Variants in PCSK7 observed in about 807,000 individuals in gnomAD.
PCSK7 encodes the protein lymphoma proprotein convertase.
A neutral mutation model predicts 73.3 loss-of-function variants in PCSK7; 38 were observed. The observed-to-expected ratio is 0.52, with a 90% confidence interval of 0.40 to 0.68. The LOEUF is 0.68. Among genes scored for constraint, PCSK7 ranks in the 30% least tolerant of loss-of-function variants. The pLI is 0.00. For synonymous variants in PCSK7, 296 were observed against 383.8 expected, an observed-to-expected ratio of 0.77 and a Z score of 2.68; for missense variants, 692 against 991.5, an observed-to-expected ratio of 0.70 and a Z score of 4.06.
Position 117,226,938 on chromosome 11 carries a change from GAACTATAAATAGA to G in PCSK7, c.769+206_769+218del, listed in dbSNP as rs2032454223. On this transcript the variant is annotated intron_variant, in intron 5 of 16. Coordinates refer to ENST00000320934, the MANE Select transcript of PCSK7 (RefSeq NM_004716.4). ...ACAAGAAGGCACTTTGTAATTTATG[GAACTATAAATAGA>G]AAAACATGTTTGAAACACCACTGCA... The G allele has an allele frequency of 6.4e-6, 3 of 472,376 alleles. No individual in the cohort carries two copies. The Admixed American group carries it at 1.3e-4, about 20-fold the overall frequency. 29.3% of individuals were successfully genotyped at this position (472,376 alleles called of 1,614,324 possible). A position where few individuals can be genotyped will look rare whatever the true frequency, so the allele number is the denominator to read the frequency against.
intron 12 of PCSK7, chr11:117,214,553 CA>C (rs1179036770): frequency 6.6e-6 from 1 of 152,224 alleles, no homozygotes; most frequent in Non-Finnish European, 1.5e-5. Flanking sequence ...GACGTTGCAA[CA>C]AAGACCTCAT....
In PCSK7 at chr11:117,207,158, C is replaced by CCCCTTGCTG; in HGVS notation, c.1788_1789insCAGCAAGGG (p.Gly596_Asp597insGlnGlnGly). 1 of 1,241,440 alleles carries CCCCTTGCTG rather than the reference C, an allele frequency of 8.1e-7. No homozygotes were observed. The highest frequency in any genetic ancestry group is 1.2e-6 in the Non-Finnish European group (1 of 858,786). The allele number at this position is 1,241,440 out of a possible 1,614,324, so 76.9% of individuals were successfully genotyped here. The stretch of plus-strand genomic sequence containing the variant: ...AGGATGCCGACCTGGAATGACTCAT[C>CCCCTTGCTG]CCCTAGGGCAGCAAGGGGCAGCTCG... On this transcript the variant is annotated inframe_insertion and splice_region_variant, in exon 15 of 17. Coordinates refer to ENST00000320934, the MANE Select transcript of PCSK7 (RefSeq NM_004716.4).
chr11:117,214,586 A>G (rs1308916186), intron 12 of PCSK7: 2 of 152,216 alleles, frequency 1.3e-5, no homozygotes, highest in East Asian at 1.9e-4. Flanking sequence ...GAGTGACAAG[A>G]ATGTTAAAAA....
Position 117,219,094 on chromosome 11 carries a change from C to G in PCSK7, c.1394G>C (p.Gly465Ala). 6.2e-7 allele frequency: 1 copy of G among 1,610,696 alleles called. No homozygotes were observed. Among genetic ancestry groups the G allele is most frequent in the Non-Finnish European group, 8.5e-7 (1 of 1,179,902 alleles). The change falls in exon 11 of 17, where the codon GGC becomes GCC. Residue 465 changes from glycine to alanine, a missense_variant. Physicochemically the swap from Gly to Ala is moderately conservative, Grantham distance 60. Transcript: ENST00000320934. ...GFSHSHQHGFGLLNAWRLVNA... is the reference protein window; with the variant it reads ...GFSHSHQHGFALLNAWRLVNA... The stretch of plus-strand genomic sequence containing the variant: ...CACGAGCCTCCAGGCGTTGAGGAGG[C>G]CGAAACCGTGCTGGTGGCTATGGCT...
chr11:117,215,380 G>GTGTGTGTGTGTGTGTGTGTGTGTGTATA (rs1164738557), intron 12 of PCSK7: 3 of 55,898 alleles, frequency 5.4e-5, no homozygotes, highest in African/African-American at 3.6e-4. Flanking sequence ...GTGTGTGTGT[G>GTGTGTGTGTGTGTGTGTGTGTGTGTATA]TATATATATA....
At chr11:117,209,393 C>T (rs527446219) in intron 12 of PCSK7, 42 of 231,368 alleles carry the variant, frequency 1.8e-4, no homozygotes, top group African/African-American at 7.3e-4. Flanking sequence ...ATAAGATGGG[C>T]GTGGTCCCTG....
intron 9 of PCSK7, chr11:117,221,330 G>C (rs1450265320): frequency 6.6e-6 from 1 of 152,274 alleles, no homozygotes; most frequent in East Asian, 1.9e-4. Flanking sequence ...GTTTATGCAA[G>C]GGAGCGGGTT....
intron 12 of PCSK7, 110 bp from the exon 13 acceptor site, chr11:117,209,163 C>T (rs531836888): frequency 1.0e-4 from 73 of 728,652 alleles, no homozygotes; most frequent in African/African-American, 9.3e-4. Context: ...CAAACATCTA[C>T]GGCAACCCTA....
chr11:117,218,257 C>A lies in PCSK7; in HGVS notation c.1534+209G>T. The A allele has an allele frequency of 4.5e-6, 1 of 220,778 alleles. No homozygotes were observed. The highest frequency in any genetic ancestry group is 9.1e-6 in the Non-Finnish European group (1 of 110,418). 13.7% of individuals were successfully genotyped at this position (220,778 alleles called of 1,614,324 possible). On this transcript the variant is annotated intron_variant, in intron 12 of 16. Coordinates refer to ENST00000320934, the MANE Select transcript of PCSK7 (RefSeq NM_004716.4). This position sits in a 1 kb window ranked among gnomAD's most constrained non-coding sequence, Gnocchi z 4.0. ...TGCTGCTCCTTTTCACTACTAGGAA[C>A]CCAGGAGAAAGGTCTTGTTTAAGCA...
chr11:117,228,414 T>C, intron 3 of PCSK7, 64 bp from the exon 4 acceptor site: 2 of 1,481,844 alleles, frequency 1.3e-6, no homozygotes, highest in South Asian at 1.1e-5. Flanking sequence ...GATGAAGTTA[T>C]AGCTAGCAGC....
At chr11:117,231,560 TTCTG>T (rs1024469828) in intron 1 of PCSK7, among the ~76,000 whole-genome samples, 8 of 152,312 alleles carry the variant, frequency 5.3e-5, no homozygotes, top group East Asian at 3.9e-4. Context: ...CAGGAGCTCC[TTCTG>T]TCTACTAGTG....
At chr11:117,226,143 T>TA in intron 5 of PCSK7, 122 bp from the exon 6 acceptor site, 1 of 399,636 alleles carries the variant, frequency 2.5e-6, no homozygotes, top group Non-Finnish European at 4.7e-6. Flanking sequence ...ACATTTTGCT[T>TA]TTTTTTTTTT....
intron 4 of PCSK7, 96 bp from the exon 5 acceptor site, chr11:117,227,418 C>G (rs2032473110): frequency 7.8e-6 from 7 of 902,328 alleles, no homozygotes; most frequent in Admixed American, 3.6e-5. Context: ...GTTTGGGAAT[C>G]GAAGCTAGGG....
intron 12 of PCSK7, chr11:117,212,585 G>C (rs2031779590): frequency 6.6e-6 from 1 of 151,438 alleles, no homozygotes; most frequent in African/African-American, 2.4e-5. Flanking sequence ...GCTAATTTTT[G>C]TATTTTTAGT....
chr11:117,218,465 C>A lies in PCSK7; in HGVS notation c.1534+1G>T. 1.3e-6 allele frequency: 2 copies of A among 1,571,234 alleles called. No individual in the cohort carries two copies. The highest frequency in any genetic ancestry group is 1.7e-6 in the Non-Finnish European group (2 of 1,151,476). On this transcript the variant is annotated splice_donor_variant, in intron 12 of 16. Coordinates refer to ENST00000320934, the MANE Select transcript of PCSK7 (RefSeq NM_004716.4). LOFTEE classifies it high-confidence loss of function. The surrounding 1 kb of genome is among the most constrained non-coding windows in gnomAD (Gnocchi z 4.0). ...TAACCCCCTTTGTGCTGATTACTTACCATTCCACAGGACCTCCAGGGAACG... is the reference window on the plus strand; with the variant it reads ...TAACCCCCTTTGTGCTGATTACTTAACATTCCACAGGACCTCCAGGGAACG...
At chr11:117,213,385 T>C (rs2031815817) in intron 12 of PCSK7, 1 of 152,152 alleles carries the variant, frequency 6.6e-6, no homozygotes, top group Non-Finnish European at 1.5e-5. Context: ...CGTTTCAAGT[T>C]TGGGGGCCTA....
intron 12 of PCSK7, chr11:117,210,340 A>C (rs1288411685): frequency 6.6e-6 from 1 of 151,522 alleles, no homozygotes; most frequent in African/African-American, 2.4e-5. Context: ...TTAAGAAATT[A>C]GGCTGTAATG....
rs773807315 is a variant in PCSK7, at chr11:117,218,521, T to G, written c.1479A>C (p.Leu493Phe). Residue 493 changes from leucine to phenylalanine, a missense_variant, in exon 12 of 17, where the codon TTA becomes TTC. Physicochemically the swap from Leu to Phe is conservative, Grantham distance 22 (BLOSUM62 0). Around this residue, in one of 6 missense-constraint regions of PCSK7, gnomAD observed 574 missense variants for 689.8 expected, o/e 0.83. Transcript: ENST00000320934. The surrounding 1 kb of genome is among the most constrained non-coding windows in gnomAD (Gnocchi z 4.0). The stretch of plus-strand genomic sequence containing the variant: ...ACTGCGGAATCGCCTTGTTTTCTTT[T>G]AACACGGGACTGACGTAGGATGCTA... ...PYLASYVSPVLKENKAIPQSP... is the reference protein window; with the variant it reads ...PYLASYVSPVFKENKAIPQSP... 3.7e-6 allele frequency: 6 copies of G among 1,610,924 alleles called. No homozygotes were observed. In the East Asian group the frequency reaches 6.7e-5, roughly 18 times the overall value.
intron 5 of PCSK7, 38 bp downstream of exon 5, chr11:117,227,119 G>A (rs200006739): frequency 7.8e-6 from 12 of 1,532,364 alleles, no homozygotes; most frequent in Non-Finnish European, 1.1e-5. Flanking sequence ...GTGGTCACAG[G>A]AGCAGCCTAC....
Sources: allele counts gnomAD v4.1 joint callset (sites outside exome capture counted in the v4.1 genomes callset), GRCh38; gene constraint gnomAD v4.1.1; regional missense constraint gnomAD v4.1.1; non-coding constraint Gnocchi (gnomAD v3.1); transcripts MANE v1.5; gene names NCBI Gene and HGNC (gene_info 2026-07-23, HGNC 2026-07-21).